Variants in GALNTL6 observed in about 807,000 individuals in gnomAD.
GALNTL6 encodes the protein polypeptide N-acetylgalactosaminyltransferase-like 6.
Under a neutral mutation model 73.7 loss-of-function variants are expected in GALNTL6, and 46 were observed. That is an observed-to-expected ratio of 0.62 (90% CI 0.49 to 0.80). GALNTL6 has a LOEUF of 0.80. Among genes scored for constraint, GALNTL6 ranks in the 30% least tolerant of loss-of-function variants. The probability of loss-of-function intolerance (pLI) is 0.00; values close to 1 mark genes in which losing one functional copy is unlikely to be tolerated. For missense variants in GALNTL6, 604 were observed against 755.0 expected, an observed-to-expected ratio of 0.80 and a Z score of 2.34; for synonymous variants, 259 against 263.7, an observed-to-expected ratio of 0.98 and a Z score of 0.17.
At chr4:172,410,291 C>A (rs1190365872) in intron 5 of GALNTL6, among the ~76,000 whole-genome samples, 1 of 151,866 alleles carries the variant, frequency 6.6e-6, no homozygotes, top group Non-Finnish European at 1.5e-5. Context: ...CATATATATG[C>A]AGTTCAGCAA....
chr4:172,805,614 A>G (rs1013583506), intron 5 of GALNTL6, among the ~76,000 whole-genome samples: 1 of 152,210 alleles, frequency 6.6e-6, no homozygotes, highest in Admixed American at 6.5e-5. Flanking sequence ...CACTAGGCAG[A>G]TCTGCCTGGC....
rs1044770284 is a variant in GALNTL6, at chr4:172,412,261, A to G, written c.553+63572A>G. Among the ~76,000 whole-genome samples, 3 of 152,132 alleles carry G rather than the reference A, an allele frequency of 2.0e-5. No homozygotes were observed. In the South Asian group the frequency reaches 6.2e-4, roughly 31 times the overall value. ...TTTGCCTTGTTGACCAGGCTGATCT[A>G]GAACTTCTGGCCTCAAGCCATCCAC... On this transcript the variant is annotated intron_variant, in intron 5 of 12. Transcript: ENST00000506823.
At chr4:172,768,995 TG>T (rs1482002186) in intron 5 of GALNTL6, among the ~76,000 whole-genome samples, 1 of 152,110 alleles carries the variant, frequency 6.6e-6, no homozygotes, top group African/African-American at 2.4e-5. Context: ...GCCTTTTTGC[TG>T]GTCCGCAAAC....
intron 2 of GALNTL6, among the ~76,000 whole-genome samples, chr4:172,205,141 T>A (rs1017252075): frequency 6.6e-6 from 1 of 152,220 alleles, no homozygotes; most frequent in African/African-American, 2.4e-5. Context: ...TTTGAGCTTT[T>A]TAATCACACA....
intron 10 of GALNTL6, among the ~76,000 whole-genome samples, chr4:172,973,545 C>T (rs1302990330): frequency 6.6e-6 from 1 of 151,890 alleles, no homozygotes; most frequent in Non-Finnish European, 1.5e-5. Flanking sequence ...GGCTGAAGTA[C>T]AATAAAATGA....
chr4:172,357,634 TACACACACACACAC>T (rs5864129), intron 5 of GALNTL6, among the ~76,000 whole-genome samples: 4 of 145,748 alleles, frequency 2.7e-5, no homozygotes, highest in Non-Finnish European at 4.5e-5. Context: ...TATAGATATA[TACACACACACACAC>T]ACACACACAC....
chr4:171,894,825 G>A (rs554260110), intron 2 of GALNTL6, among the ~76,000 whole-genome samples: 9 of 152,192 alleles, frequency 5.9e-5, no homozygotes, highest in Admixed American at 3.3e-4. Context: ...TTTGAGACAT[G>A]TCTGGCAAAG....
At chr4:172,563,369 G>A (rs374554905) in intron 5 of GALNTL6, among the ~76,000 whole-genome samples, 40 of 152,102 alleles carry the variant, frequency 2.6e-4, no homozygotes, top group African/African-American at 8.9e-4. Context: ...TGTCAATCCC[G>A]CCTTCACTTC....
intron 5 of GALNTL6, among the ~76,000 whole-genome samples, chr4:172,623,901 A>G (rs1739058499): frequency 2.6e-5 from 4 of 152,116 alleles, no homozygotes; most frequent in Admixed American, 2.6e-4. Context: ...AATTTTATTC[A>G]TGAGATATTT....
At chr4:171,828,773 C>T (rs1224835329) in intron 2 of GALNTL6, among the ~76,000 whole-genome samples, 1 of 152,090 alleles carries the variant, frequency 6.6e-6, no homozygotes, top group East Asian at 1.9e-4. Flanking sequence ...CAGGCACATG[C>T]TACTGGGCCT....
At chr4:172,748,006 C>T (rs1171981931) in intron 5 of GALNTL6, among the ~76,000 whole-genome samples, 1 of 532 alleles carries the variant, frequency 1.9e-3, no homozygotes, top group Non-Finnish European at 6.5e-3. Flanking sequence ...TTGGAAACTG[C>T]AACTTTTAAG....
At chr4:172,430,156 C>A (rs1170665267) in intron 5 of GALNTL6, among the ~76,000 whole-genome samples, 1 of 151,654 alleles carries the variant, frequency 6.6e-6, no homozygotes, top group Non-Finnish European at 1.5e-5. Context: ...TAAAAGTTAT[C>A]ATTTTATGAA....
chr4:172,105,955 A>T (rs1247082104), intron 2 of GALNTL6, among the ~76,000 whole-genome samples: 1 of 152,194 alleles, frequency 6.6e-6, no homozygotes, highest in Admixed American at 6.5e-5. Flanking sequence ...ATAATATGGA[A>T]TTGTAAAAAT....
At chr4:172,983,959 T>C (rs2126439662) in intron 10 of GALNTL6, among the ~76,000 whole-genome samples, 1 of 152,236 alleles carries the variant, frequency 6.6e-6, no homozygotes, top group African/African-American at 2.4e-5. Flanking sequence ...TACAGTCATT[T>C]TCTTGCTTAC....
At chr4:172,420,906 A>G (rs1404936428) in intron 5 of GALNTL6, among the ~76,000 whole-genome samples, 1 of 152,072 alleles carries the variant, frequency 6.6e-6, no homozygotes, top group Non-Finnish European at 1.5e-5. Flanking sequence ...CAGGAAACTA[A>G]CAGAAACAGA....
chr4:172,449,359 A>G lies in GALNTL6; in HGVS notation c.553+100670A>G, dbSNP rs187244154. ...GTATAGACCTCACCTTCAAGGAAAC[A>G]TTTTCAAAGAAAATTCCCAGAGTTG... On this transcript the variant is annotated intron_variant, in intron 5 of 12. Transcript: ENST00000506823. Among the ~76,000 whole-genome samples the G allele has an allele frequency of 1.9e-4, 29 of 152,246 alleles. No individual in the cohort carries two copies. In the East Asian group the frequency reaches 5.4e-3, roughly 28 times the overall value.
At chr4:172,575,076 G>A (rs948254538) in intron 5 of GALNTL6, among the ~76,000 whole-genome samples, 2 of 152,048 alleles carry the variant, frequency 1.3e-5, no homozygotes, top group Admixed American at 1.3e-4. Context: ...TACAGCAAAT[G>A]CAGACTCAAA....
At chr4:172,226,667 A>G (rs1007771466) in intron 2 of GALNTL6, among the ~76,000 whole-genome samples, 2 of 150,928 alleles carry the variant, frequency 1.3e-5, no homozygotes, top group Non-Finnish European at 2.9e-5. Flanking sequence ...TTTCCCTTAT[A>G]CAGTTGGACT....
In GALNTL6 at chr4:173,021,642, T is replaced by C; in HGVS notation, c.1638+17T>C. On this transcript the variant is annotated intron_variant, in intron 12 of 12. Transcript: ENST00000506823. ...TACCGGAAGGTAAGAGTCAGTCCAC[T>C]GTGGTCATTCTCAAATTACTGTGGT... The C allele has an allele frequency of 6.2e-7, 1 of 1,611,908 alleles. No homozygotes were observed. The highest frequency in any genetic ancestry group is 1.1e-5 in the South Asian group (1 of 90,790).
Sources: allele counts gnomAD v4.1 joint callset (sites outside exome capture counted in the v4.1 genomes callset), GRCh38; gene constraint gnomAD v4.1.1; transcripts MANE v1.5; gene names NCBI Gene and HGNC (gene_info 2026-07-23, HGNC 2026-07-21).